The following KIF16B variants were observed in gnomAD, a reference collection of about 807,000 sequenced individuals.
KIF16B encodes kinesin family member 16B.
KIF16B carries 98 observed loss-of-function variants against 156.3 expected under a neutral mutation model. The observed-to-expected ratio is 0.63, with a 90% CI of 0.53 to 0.74. KIF16B has a LOEUF of 0.74. Among genes scored for constraint, KIF16B ranks in the 30% least tolerant of loss-of-function variants. The pLI, the probability that KIF16B is intolerant of heterozygous loss-of-function variation, is 0.00. For missense variants in KIF16B, 1,421 were observed against 1,606.5 expected, an observed-to-expected ratio of 0.88 and a Z score of 1.97; for synonymous variants, 564 against 583.7, an observed-to-expected ratio of 0.97 and a Z score of 0.49.
intron 23 of KIF16B, among the ~76,000 whole-genome samples, chr20:16,337,314 A>C (rs2064057484): frequency 6.6e-6 from 1 of 152,196 alleles, no homozygotes; most frequent in East Asian, 1.9e-4. Flanking sequence ...GAAACAAGAA[A>C]GAGAGAAGAC....
chr20:16,553,015 C>T (rs1235363983), intron 1 of KIF16B, among the ~76,000 whole-genome samples: 2 of 152,112 alleles, frequency 1.3e-5, no homozygotes, highest in Non-Finnish European at 2.9e-5. Context: ...ATCCACCCAC[C>T]TCGGCCTCCC....
intron 15 of KIF16B, among the ~76,000 whole-genome samples, chr20:16,426,147 T>A (rs770624345): frequency 6.6e-6 from 1 of 152,142 alleles, no homozygotes; most frequent in Non-Finnish European, 1.5e-5. Flanking sequence ...GAGATTTGGG[T>A]GGGGACACAG....
At chr20:16,533,046 G>A (rs2069817792) in intron 1 of KIF16B, among the ~76,000 whole-genome samples, 1 of 152,136 alleles carries the variant, frequency 6.6e-6, no homozygotes, top group Admixed American at 6.5e-5. Context: ...CTGACTGAAA[G>A]GCTGTTATGC....
At chr20:16,551,470 G>A (rs1021410879) in intron 1 of KIF16B, among the ~76,000 whole-genome samples, 2 of 152,122 alleles carry the variant, frequency 1.3e-5, no homozygotes, top group Admixed American at 6.6e-5. Flanking sequence ...TTCCAGTGTG[G>A]GCCGCATCTC....
chr20:16,568,379 G>C, intron 1 of KIF16B, among the ~76,000 whole-genome samples: 1 of 152,264 alleles, frequency 6.6e-6, no homozygotes, highest in East Asian at 1.9e-4. Flanking sequence ...ACTTGTTTTT[G>C]AATAAAGTTA....
intron 1 of KIF16B, among the ~76,000 whole-genome samples, chr20:16,546,935 C>T (rs968780099): frequency 1.3e-5 from 2 of 152,020 alleles, no homozygotes; most frequent in Non-Finnish European, 2.9e-5. Flanking sequence ...CACCACCAGG[C>T]CTGGCTAATT....
intron 24 of KIF16B, among the ~76,000 whole-genome samples, chr20:16,325,207 GA>G (rs1157465201): frequency 6.6e-6 from 1 of 151,964 alleles, no homozygotes; most frequent in Non-Finnish European, 1.5e-5. Flanking sequence ...ACTGAACAGA[GA>G]AAAGGTGAAA....
intron 23 of KIF16B, among the ~76,000 whole-genome samples, chr20:16,350,397 G>A (rs369381535): frequency 5.9e-5 from 9 of 152,282 alleles, no homozygotes; most frequent in African/African-American, 2.2e-4. Context: ...AATGTCCAGA[G>A]GGTGGGCAGG....
chr20:16,395,514 G>A (rs1328568607), intron 17 of KIF16B, among the ~76,000 whole-genome samples: 2 of 152,160 alleles, frequency 1.3e-5, no homozygotes, highest in African/African-American at 4.8e-5. Context: ...TTGGCTTTTG[G>A]TATTCAAATC....
chr20:16,433,041 C>T (rs142385887), intron 12 of KIF16B, among the ~76,000 whole-genome samples: 28 of 152,318 alleles, frequency 1.8e-4, no homozygotes, highest in African/African-American at 6.5e-4. Flanking sequence ...CTAACCCCTA[C>T]TCCTACCTCT....
chr20:16,333,222 C>T (rs1352044225), intron 24 of KIF16B, among the ~76,000 whole-genome samples: 1 of 152,180 alleles, frequency 6.6e-6, no homozygotes, highest in Non-Finnish European at 1.5e-5. Context: ...AATGTACCCA[C>T]CTCCAGATTT....
chr20:16,378,727 T>C, intron 19 of KIF16B, 78 bp downstream of exon 19: 1 of 1,327,506 alleles, frequency 7.5e-7, no homozygotes, highest in Non-Finnish European at 1.0e-6. Flanking sequence ...AAAAAAAGGA[T>C]AAACACAACA....
chr20:16,524,344 C>A (rs2069457325), intron 3 of KIF16B, among the ~76,000 whole-genome samples: 1 of 151,986 alleles, frequency 6.6e-6, no homozygotes, highest in African/African-American at 2.4e-5. Context: ...AACAAACAAC[C>A]CCATCAAAAA....
chr20:16,568,084 C>A (rs933945095), intron 1 of KIF16B, among the ~76,000 whole-genome samples: 4 of 152,160 alleles, frequency 2.6e-5, no homozygotes, highest in African/African-American at 9.7e-5. Context: ...TTCCCTTTGA[C>A]CTATCTTCTT....
At chr20:16,441,187 T>A (rs1484647655) in intron 12 of KIF16B, among the ~76,000 whole-genome samples, 1 of 152,196 alleles carries the variant, frequency 6.6e-6, no homozygotes. Context: ...AGGATTACTT[T>A]AAGTGGGATG....
chr20:16,401,646 T>C (rs1306992976), intron 17 of KIF16B, among the ~76,000 whole-genome samples: 1 of 152,164 alleles, frequency 6.6e-6, no homozygotes, highest in Non-Finnish European at 1.5e-5. Context: ...ATAGGAAGTA[T>C]ACATAAGCAG....
chr20:16,393,452 T>G (rs2065418868), intron 17 of KIF16B, among the ~76,000 whole-genome samples: 1 of 152,242 alleles, frequency 6.6e-6, no homozygotes, highest in African/African-American at 2.4e-5. Context: ...ATACGGGAGT[T>G]GCTGGTGATG....
intron 3 of KIF16B, among the ~76,000 whole-genome samples, chr20:16,521,101 C>T (rs545634369): frequency 1.3e-5 from 2 of 152,100 alleles, no homozygotes; most frequent in East Asian, 1.9e-4. Flanking sequence ...AAAACCAGAA[C>T]GACTCCTCTC....
intron 25 of KIF16B, among the ~76,000 whole-genome samples, chr20:16,300,043 A>C (rs946632933): frequency 6.6e-6 from 1 of 152,206 alleles, no homozygotes; most frequent in South Asian, 2.1e-4. Context: ...CTGTTTGTCC[A>C]ATTACATCAG....
Sources: allele counts gnomAD v4.1 joint callset (sites outside exome capture counted in the v4.1 genomes callset), GRCh38; gene constraint gnomAD v4.1.1; transcripts MANE v1.5; gene names NCBI Gene and HGNC (gene_info 2026-07-23, HGNC 2026-07-21).